Variants in FRMPD4 observed in about 807,000 individuals in gnomAD.
FRMPD4 encodes the protein FERM and PDZ domain containing 4.
A neutral mutation model predicts 94.1 loss-of-function variants in FRMPD4; 22 were observed. That is an observed-to-expected ratio of 0.23 (90% CI 0.17 to 0.33). The LOEUF (loss-of-function observed/expected upper bound fraction) is 0.33. FRMPD4 is among the 10% of genes least tolerant of loss of function. The pLI, the probability that FRMPD4 is intolerant of heterozygous loss-of-function variation, is 1.00. For missense variants in FRMPD4, 1,111 were observed against 1,339.9 expected, an observed-to-expected ratio of 0.83 and a Z score of 2.67; for synonymous variants, 631 against 548.6, an observed-to-expected ratio of 1.15 and a Z score of -2.10.
chrX:12,527,091 G>A (rs2058232319), intron 2 of FRMPD4, among the ~76,000 whole-genome samples: 1 of 112,204 alleles, frequency 8.9e-6, no homozygotes, highest in African/African-American at 3.2e-5. Context: ...AAAAAAATAA[G>A]CAATTCCTAA....
chrX:12,009,069 G>A (rs750768860), intron 3 of FRMPD4, among the ~76,000 whole-genome samples: 2 of 111,555 alleles, frequency 1.8e-5, no homozygotes, highest in Admixed American at 9.5e-5. Context: ...AAAATGAATC[G>A]ATTTCTTCTC....
intron 4 of FRMPD4, among the ~76,000 whole-genome samples, chrX:12,628,713 C>T (rs1035073295): frequency 8.9e-6 from 1 of 112,727 alleles, no homozygotes; most frequent in Non-Finnish European, 1.9e-5. Flanking sequence ...AGTCTGGACC[C>T]GTTGCTTGTC....
At chrX:12,084,179 G>T (rs1368860128) in intron 3 of FRMPD4, among the ~76,000 whole-genome samples, 195 of 93,120 alleles carry the variant, frequency 2.1e-3, no homozygotes, top group African/African-American at 7.7e-3. Context: ...GGACCCAGTG[G>T]GGGGGGGGGT....
intron 2 of FRMPD4, among the ~76,000 whole-genome samples, chrX:12,589,107 T>C (rs2058959248): frequency 8.9e-6 from 1 of 112,591 alleles, no homozygotes; most frequent in Non-Finnish European, 1.9e-5. Flanking sequence ...TGTCAGATTA[T>C]GTTCATAATA....
intron 3 of FRMPD4, among the ~76,000 whole-genome samples, chrX:12,094,178 A>C (rs1005448030): frequency 4.5e-5 from 5 of 111,834 alleles, no homozygotes; most frequent in African/African-American, 1.6e-4. Context: ...GGAGGGTGAC[A>C]ATTTAATAAA....
chrX:12,381,491 ATTCTC>A (rs1375152730), intron 1 of FRMPD4, among the ~76,000 whole-genome samples: 1 of 112,085 alleles, frequency 8.9e-6, no homozygotes, highest in Admixed American at 9.5e-5. Context: ...ATGAAGTGTT[ATTCTC>A]TTTACTTTAT....
At chrX:12,398,235 T>A (rs1358193451) in intron 1 of FRMPD4, among the ~76,000 whole-genome samples, 1 of 112,185 alleles carries the variant, frequency 8.9e-6, no homozygotes, top group Non-Finnish European at 1.9e-5. Context: ...GAGCTTGAGA[T>A]TTTTTTTCTG....
chrX:12,149,478 ATGT>A (rs1416968090), intron 1 of FRMPD4, among the ~76,000 whole-genome samples: 1 of 111,844 alleles, frequency 8.9e-6, no homozygotes, highest in Non-Finnish European at 1.9e-5. Flanking sequence ...GTAACTGCAG[ATGT>A]TGTGGAAATA....
intron 3 of FRMPD4, among the ~76,000 whole-genome samples, chrX:12,034,959 TC>T (rs2054712725): frequency 8.9e-6 from 1 of 111,852 alleles, no homozygotes; most frequent in African/African-American, 3.3e-5. Context: ...TGGCAGCTGT[TC>T]CTCTTAAAAC....
chrX:12,247,518 G>A (rs2053973009), intron 1 of FRMPD4, among the ~76,000 whole-genome samples: 1 of 111,621 alleles, frequency 9.0e-6, no homozygotes, highest in Non-Finnish European at 1.9e-5. Context: ...TATGTCTCAG[G>A]GGATAAACTC....
intron 1 of FRMPD4, among the ~76,000 whole-genome samples, chrX:12,266,031 C>A (rs1420639315): frequency 1.9e-5 from 2 of 102,719 alleles, no homozygotes; most frequent in East Asian, 6.1e-4. Flanking sequence ...TATTCGGGAG[C>A]CTGAGGCAGG....
intron 1 of FRMPD4, among the ~76,000 whole-genome samples, chrX:12,350,733 G>C (rs1266357088): frequency 8.9e-6 from 1 of 112,433 alleles, no homozygotes; most frequent in East Asian, 2.8e-4. Context: ...AGTAGAAAAA[G>C]GTTCATGGAA....
At chrX:12,422,762 C>T (rs1252273439) in intron 1 of FRMPD4, among the ~76,000 whole-genome samples, 3 of 112,175 alleles carry the variant, frequency 2.7e-5, no homozygotes, top group African/African-American at 9.7e-5. Context: ...GAAAGTAACC[C>T]TCTTGCTTTT....
chrX:12,250,536 T>C (rs1460885328), intron 1 of FRMPD4, among the ~76,000 whole-genome samples: 1 of 112,089 alleles, frequency 8.9e-6, no homozygotes, highest in Non-Finnish European at 1.9e-5. Flanking sequence ...TCACCGCTGA[T>C]GCACATTATA....
chrX:12,284,810 C>T (rs892965129), intron 1 of FRMPD4, among the ~76,000 whole-genome samples: 1 of 111,967 alleles, frequency 8.9e-6, no homozygotes, highest in East Asian at 2.8e-4. Context: ...CAGGGAAGGA[C>T]CTCACTAGAC....
Position 12,309,699 on chromosome X carries a change from A to G in FRMPD4, c.41+170687A>G, listed in dbSNP as rs1323019677. 5.3e-5 allele frequency among the ~76,000 whole-genome samples: 6 copies of G among 112,476 alleles called. No individual in the cohort carries two copies. In the Admixed American group the frequency reaches 5.6e-4, roughly 10 times the overall value. ...TTAAGGAATGGAACACGCAGATACT[A>G]TAGCCTAATATCTGAGAGTATCTAT... On this transcript the variant is annotated intron_variant, in intron 1 of 16. Coordinates refer to ENST00000675598, the MANE Select transcript of FRMPD4 (RefSeq NM_001368397.1).
chrX:12,385,850 C>T (rs2056390653), intron 1 of FRMPD4, among the ~76,000 whole-genome samples: 1 of 112,294 alleles, frequency 8.9e-6, no homozygotes, highest in Admixed American at 9.4e-5. Flanking sequence ...AAGAGGGAAC[C>T]TTGTTTGAAA....
intron 1 of FRMPD4, among the ~76,000 whole-genome samples, chrX:12,239,793 C>T (rs138417347): frequency 0.01 from 1,154 of 111,887 alleles, 11 homozygotes; most frequent in African/African-American, 0.035. Context: ...TCCTGGCTCA[C>T]AGATAAGCAT....
intron 1 of FRMPD4, among the ~76,000 whole-genome samples, chrX:12,172,073 A>T (rs1176013076): frequency 9.0e-6 from 1 of 111,556 alleles, no homozygotes; most frequent in Non-Finnish European, 1.9e-5. Flanking sequence ...AATGCCTGAT[A>T]GTGGTACACT....
Sources: allele counts gnomAD v4.1 joint callset (sites outside exome capture counted in the v4.1 genomes callset), GRCh38; gene constraint gnomAD v4.1.1; transcripts MANE v1.5; gene names NCBI Gene and HGNC (gene_info 2026-07-23, HGNC 2026-07-21).